The following CTNNA2 variants were observed in gnomAD, a reference collection of about 807,000 sequenced individuals.
The protein encoded by CTNNA2 is catenin alpha 2.
Under a neutral mutation model 101.0 loss-of-function variants are expected in CTNNA2, and 42 were observed. The ratio of observed to expected loss-of-function variants is 0.42; its 90% CI spans 0.32 to 0.54. The LOEUF (loss-of-function observed/expected upper bound fraction) is 0.54, where lower values mean the gene tolerates loss of function less well. CTNNA2 is among the 20% of genes least tolerant of loss of function. CTNNA2 has a pLI of 0.14. For missense variants in CTNNA2, 871 were observed against 1,223.1 expected (o/e 0.71, Z 4.29); for synonymous variants, 450 against 456.4 (o/e 0.99, Z 0.18).
At chr2:80,490,146 T>A (rs1686924478) in intron 9 of CTNNA2, among the ~76,000 whole-genome samples, 1 of 152,174 alleles carries the variant, frequency 6.6e-6, no homozygotes, top group Non-Finnish European at 1.5e-5. Context: ...TAAATTAGAA[T>A]GTCAATTACA....
chr2:80,047,752 G>C (rs914565602), intron 7 of CTNNA2, among the ~76,000 whole-genome samples: 10 of 152,186 alleles, frequency 6.6e-5, no homozygotes, highest in Admixed American at 3.3e-4. Context: ...TCCTGGGTCT[G>C]ACTAGAATTG....
chr2:79,213,566 G>T (rs540151411), intron 2 of CTNNA2, among the ~76,000 whole-genome samples: 1 of 152,148 alleles, frequency 6.6e-6, no homozygotes, highest in Non-Finnish European at 1.5e-5. Context: ...CTGGTGAGTG[G>T]CGATTAGGCC....
intron 4 of CTNNA2, among the ~76,000 whole-genome samples, chr2:79,868,297 A>G (rs930308878): frequency 2.0e-5 from 3 of 152,208 alleles, no homozygotes; most frequent in African/African-American, 7.2e-5. Context: ...GTTATGTGGC[A>G]TCTAGATTAA....
chr2:79,985,409 C>T (rs1029655264), intron 7 of CTNNA2, among the ~76,000 whole-genome samples: 3 of 151,768 alleles, frequency 2.0e-5, no homozygotes, highest in Admixed American at 1.3e-4. Flanking sequence ...CATTAGGTGC[C>T]TTTTCCTTAT....
chr2:80,045,582 C>T (rs2104301986), intron 7 of CTNNA2, among the ~76,000 whole-genome samples: 1 of 152,276 alleles, frequency 6.6e-6, no homozygotes, highest in Non-Finnish European at 1.5e-5. Flanking sequence ...TAATCACTAT[C>T]TAAATCAAGA....
intron 4 of CTNNA2, among the ~76,000 whole-genome samples, chr2:79,394,508 G>C: frequency 6.6e-6 from 1 of 152,204 alleles, no homozygotes; most frequent in East Asian, 1.9e-4. Flanking sequence ...GAAGGAATGA[G>C]CACTTTGGAA....
chr2:80,400,646 C>T (rs570205511), intron 8 of CTNNA2, among the ~76,000 whole-genome samples: 1 of 152,298 alleles, frequency 6.6e-6, no homozygotes, highest in South Asian at 2.1e-4. Context: ...ATGTGTTTCC[C>T]ACTGTGATCC....
At chr2:80,357,572 C>T (rs1218815935) in intron 7 of CTNNA2, among the ~76,000 whole-genome samples, 1 of 152,012 alleles carries the variant, frequency 6.6e-6, no homozygotes, top group Non-Finnish European at 1.5e-5. Flanking sequence ...TCCCCGATTC[C>T]AAGTGGGACC....
intron 7 of CTNNA2, among the ~76,000 whole-genome samples, chr2:80,169,720 T>A (rs960580726): frequency 7.9e-5 from 12 of 152,286 alleles, no homozygotes; most frequent in African/African-American, 2.6e-4. Flanking sequence ...TTCCTTTCAC[T>A]AGCTCCGTGT....
At chr2:80,140,794 C>T (rs1390271687) in intron 7 of CTNNA2, among the ~76,000 whole-genome samples, 1 of 152,044 alleles carries the variant, frequency 6.6e-6, no homozygotes, top group African/African-American at 2.4e-5. Flanking sequence ...TTATTTCTCC[C>T]AATCCCAGCA....
intron 9 of CTNNA2, among the ~76,000 whole-genome samples, chr2:80,465,541 T>C (rs1459573714): frequency 6.6e-6 from 1 of 151,858 alleles, no homozygotes; most frequent in African/African-American, 2.4e-5. Flanking sequence ...CCACAGAGGG[T>C]TTCTTCCACT....
chr2:79,326,925 C>T (rs895092187), intron 3 of CTNNA2, among the ~76,000 whole-genome samples: 13 of 152,116 alleles, frequency 8.5e-5, no homozygotes, highest in Non-Finnish European at 1.9e-4. Context: ...GGCTGGTCTC[C>T]TAGAGGAGAA....
intron 7 of CTNNA2, among the ~76,000 whole-genome samples, chr2:80,135,179 T>C (rs1702625261): frequency 1.3e-5 from 2 of 152,150 alleles, no homozygotes; most frequent in African/African-American, 4.8e-5. Flanking sequence ...GTGATGCAGT[T>C]CAGGGCCAAC....
chr2:79,437,476 GTC>G (rs141482582), intron 4 of CTNNA2, among the ~76,000 whole-genome samples: 2,094 of 152,220 alleles, frequency 0.014, 61 homozygotes, highest in African/African-American at 0.048. Context: ...GAAAGCCACA[GTC>G]TCTCACTCCA....
At chr2:79,234,065 T>TGA (rs1488339537) in intron 2 of CTNNA2, among the ~76,000 whole-genome samples, 7 of 150,940 alleles carry the variant, frequency 4.6e-5, no homozygotes, top group Non-Finnish European at 8.8e-5. Context: ...TATACAAGAT[T>TGA]TTGATCCTGT....
At chr2:79,474,148 A>G (rs971899853) in intron 4 of CTNNA2, among the ~76,000 whole-genome samples, 2 of 152,210 alleles carry the variant, frequency 1.3e-5, no homozygotes, top group African/African-American at 4.8e-5. Flanking sequence ...TACACCAATG[A>G]CATAAATGAA....
At chr2:79,769,094 A>T (rs935461354) in intron 3 of CTNNA2, among the ~76,000 whole-genome samples, 1 of 152,066 alleles carries the variant, frequency 6.6e-6, no homozygotes, top group Non-Finnish European at 1.5e-5. Flanking sequence ...TGACCTCGTG[A>T]TCCGCCCGGC....
intron 9 of CTNNA2, among the ~76,000 whole-genome samples, chr2:80,500,610 C>T (rs760351152): frequency 5.3e-5 from 8 of 152,126 alleles, no homozygotes; most frequent in Non-Finnish European, 7.3e-5. Context: ...TAGTGTGCAG[C>T]GGAATACATT....
intron 7 of CTNNA2, among the ~76,000 whole-genome samples, chr2:80,086,915 C>A (rs1225749258): frequency 6.6e-6 from 1 of 152,012 alleles, no homozygotes; most frequent in Non-Finnish European, 1.5e-5. Flanking sequence ...ACCAGAGTCT[C>A]TATCAGAGAC....
Sources: gnomAD v4.1 joint callset for allele counts (sites outside exome capture counted in the v4.1 genomes callset) on GRCh38, gnomAD v4.1.1 for gene constraint, MANE v1.5 for transcripts, NCBI Gene and HGNC (gene_info 2026-07-23, HGNC 2026-07-21) for gene names.